The following CLNK variants were observed in gnomAD, a reference collection of about 807,000 sequenced individuals.
CLNK encodes cytokine dependent hematopoietic cell linker.
In CLNK, 74 loss-of-function variants were observed where a neutral mutation model predicts 68.6. That is an observed-to-expected ratio of 1.08 (90% CI 0.89 to 1.31). The LOEUF (loss-of-function observed/expected upper bound fraction) is 1.31, where lower values mean the gene tolerates loss of function less well. Among genes scored for constraint, CLNK ranks in the 50% most tolerant of loss-of-function variants. The pLI, the probability that CLNK is intolerant of heterozygous loss-of-function variation, is 0.00. For synonymous variants in CLNK, 198 were observed against 172.2 expected, an observed-to-expected ratio of 1.15 and a Z score of -1.17; for missense variants, 553 against 515.3, an observed-to-expected ratio of 1.07 and a Z score of -0.71.
At chr4:10,552,398 T>C (rs1719498336) in intron 8 of CLNK, among the ~76,000 whole-genome samples, 1 of 152,200 alleles carries the variant, frequency 6.6e-6, no homozygotes, top group Non-Finnish European at 1.5e-5. Context: ...TCAGCCACTA[T>C]TGCCAAGGTT....
chr4:10,558,512 T>A, intron 7 of CLNK, 60 bp from the exon 8 acceptor site: 2 of 1,477,356 alleles, frequency 1.4e-6, no homozygotes, highest in East Asian at 2.3e-5. Flanking sequence ...CTATCTGATG[T>A]CTTGACACTC....
the CLNK span, among the ~76,000 whole-genome samples, chr4:10,712,705 A>T: frequency 2.0e-5 from 3 of 152,240 alleles, no homozygotes; most frequent in African/African-American, 4.8e-5. Context: ...TCACAGAGTC[A>T]TGTAGCCAGG....
chr4:10,667,721 T>A (rs559517644), intron 2 of CLNK, 138 bp downstream of exon 2: 17 of 282,710 alleles, frequency 6.0e-5, no homozygotes, highest in Admixed American at 4.4e-4. Flanking sequence ...GCCCACAATC[T>A]CAACCATGGC....
At chr4:10,564,305 T>G (rs1228716752) in intron 7 of CLNK, among the ~76,000 whole-genome samples, 2 of 152,174 alleles carry the variant, frequency 1.3e-5, no homozygotes, top group Non-Finnish European at 2.9e-5. Flanking sequence ...GCTCATAATT[T>G]ACCATGTTGG....
Position 10,598,016 on chromosome 4 carries a change from G to A in CLNK, c.45C>T (p.Asn15=), listed in dbSNP as rs776932670. 2.4e-5 allele frequency: 38 copies of A among 1,589,316 alleles called. No individual in the cohort carries two copies. In the South Asian group the frequency reaches 3.0e-4, roughly 12 times the overall value. The change falls in exon 3 of 19, where the codon AAC becomes AAT. Residue 15 remains asparagine (N), a synonymous_variant. Transcript: ENST00000226951. ...GACTGAAGTTCTGGAATTTCAAATC[G>A]TTGGATCCTTCTTTAGTTGTCTTTC... ...GNRKTTKEGS[N]DLKFQNFSLP...
At chr4:10,591,552 GA>G (rs1721177755) in intron 3 of CLNK, among the ~76,000 whole-genome samples, 1 of 152,210 alleles carries the variant, frequency 6.6e-6, no homozygotes, top group Non-Finnish European at 1.5e-5. Flanking sequence ...GGCACATGCA[GA>G]GGGAAATATA....
At chr4:10,535,181 C>A (rs1360532997) in intron 11 of CLNK, among the ~76,000 whole-genome samples, 1 of 100,678 alleles carries the variant, frequency 9.9e-6, no homozygotes, top group Non-Finnish European at 2.1e-5. Context: ...AGAGAGACCC[C>A]TGTCTCTACT....
At chr4:10,708,780 C>T in the CLNK span, among the ~76,000 whole-genome samples, 6 of 152,190 alleles carry the variant, frequency 3.9e-5, no homozygotes, top group East Asian at 1.9e-4. Flanking sequence ...CATTAGAGGA[C>T]GTTTCATGCA....
At chr4:10,539,184 C>T (rs1470262304) in intron 11 of CLNK, among the ~76,000 whole-genome samples, 1 of 152,170 alleles carries the variant, frequency 6.6e-6, no homozygotes, top group African/African-American at 2.4e-5. Context: ...CTATTCCTTC[C>T]CATGCTGCCA....
intron 1 of CLNK, among the ~76,000 whole-genome samples, chr4:10,670,946 G>A (rs1029892088): frequency 2.0e-4 from 31 of 152,100 alleles, no homozygotes; most frequent in African/African-American, 7.2e-4. Flanking sequence ...TTATTTGATT[G>A]GTAATATCAG....
At chr4:10,541,940 T>A (rs1719048660) in intron 10 of CLNK, 82 bp downstream of exon 10, 1 of 1,044,610 alleles carries the variant, frequency 9.6e-7, no homozygotes, top group African/African-American at 1.6e-5. Context: ...CAATGTCAAA[T>A]GTTTGTGTTT....
intron 2 of CLNK, chr4:10,598,657 A>C (rs1181107944): frequency 9.0e-6 from 4 of 445,686 alleles, no homozygotes; most frequent in South Asian, 3.2e-5. Context: ...CTTATTTTTC[A>C]TTGAGTTAAT....
chr4:10,639,850 G>T (rs1175035423), intron 2 of CLNK, among the ~76,000 whole-genome samples: 1 of 152,190 alleles, frequency 6.6e-6, no homozygotes. Context: ...TCTTGTGAAA[G>T]AAATTACTGC....
intron 2 of CLNK, among the ~76,000 whole-genome samples, chr4:10,651,960 G>A (rs1441416070): frequency 6.7e-6 from 1 of 150,040 alleles, no homozygotes; most frequent in African/African-American, 2.4e-5. Context: ...ATACATATAT[G>A]CACACAAACA....
intron 11 of CLNK, among the ~76,000 whole-genome samples, chr4:10,534,281 T>C (rs1420221763): frequency 6.6e-6 from 1 of 152,216 alleles, no homozygotes; most frequent in Non-Finnish European, 1.5e-5. Context: ...GACCAGAGTT[T>C]CTTACTCTTT....
At chr4:10,523,742 G>A (rs1391864937) in intron 14 of CLNK, among the ~76,000 whole-genome samples, 5 of 152,100 alleles carry the variant, frequency 3.3e-5, no homozygotes, top group Non-Finnish European at 7.4e-5. Flanking sequence ...TTAAGAAAGG[G>A]GGCCAGGCAT....
At chr4:10,610,344 C>T (rs975046590) in intron 2 of CLNK, among the ~76,000 whole-genome samples, 1 of 149,128 alleles carries the variant, frequency 6.7e-6, no homozygotes, top group East Asian at 1.9e-4. Flanking sequence ...GCGCCCGGCC[C>T]GTTTTTTTTT....
Position 10,558,445 on chromosome 4 carries a change from T to G in CLNK, c.407A>C (p.Lys136Thr), listed in dbSNP as rs776846561. 7 of 1,613,786 alleles carry G rather than the reference T, an allele frequency of 4.3e-6. No individual in the cohort carries two copies. Among genetic ancestry groups the G allele is most frequent in the Non-Finnish European group, 5.1e-6 (6 of 1,179,786 alleles). ...GCTTCTGACGTCCTTGGAAATGGGTTTGTCCACCTGTACAAGACAATGAGG... is the reference window on the plus strand; with the variant it reads ...GCTTCTGACGTCCTTGGAAATGGGTGTGTCCACCTGTACAAGACAATGAGG... ...NTQTRLERVD[K>T]PISKDVRSQN... Residue 136 changes from lysine to threonine, a missense_variant, in exon 8 of 19, where the codon AAA (lysine) becomes ACA (threonine). Coordinates refer to ENST00000226951, the MANE Select transcript of CLNK (RefSeq NM_052964.4).
At chr4:10,668,634 T>C (rs1724503699) in intron 1 of CLNK, among the ~76,000 whole-genome samples, 2 of 152,118 alleles carry the variant, frequency 1.3e-5, no homozygotes, top group Admixed American at 6.5e-5. Flanking sequence ...GACAGTGAAG[T>C]ATCTGGGAGT....
Sources: gnomAD v4.1 joint callset for allele counts (sites outside exome capture counted in the v4.1 genomes callset) on GRCh38, gnomAD v4.1.1 for gene constraint, MANE v1.5 for transcripts, NCBI Gene and HGNC (gene_info 2026-07-23, HGNC 2026-07-21) for gene names.